CNTN4: variants seen among roughly 807,000 people sequenced by gnomAD.
CNTN4 encodes the protein contactin-4.
In CNTN4, 77 loss-of-function variants were observed where a neutral mutation model predicts 122.5. The observed-to-expected ratio is 0.63, with a 90% CI of 0.52 to 0.76. CNTN4 has a LOEUF of 0.76. Among genes scored for constraint, CNTN4 ranks in the 30% least tolerant of loss-of-function variants. The pLI, the probability that CNTN4 is intolerant of heterozygous loss-of-function variation, is 0.00. For missense variants in CNTN4, 1,256 were observed against 1,259.1 expected, an observed-to-expected ratio of 1.00 and a Z score of 0.04; for synonymous variants, 512 against 447.0, an observed-to-expected ratio of 1.15 and a Z score of -1.83.
chr3:2,976,623 T>G (rs17023971), intron 13 of CNTN4, among the ~76,000 whole-genome samples: 13,499 of 152,244 alleles, frequency 0.089, 708 homozygotes, highest in Non-Finnish European at 0.12. Flanking sequence ...TACCTTTTTT[T>G]CCTTAAGATG....
At chr3:2,548,776 AT>A (rs2078355515) in intron 3 of CNTN4, among the ~76,000 whole-genome samples, 1 of 152,088 alleles carries the variant, frequency 6.6e-6, no homozygotes, top group East Asian at 1.9e-4. Context: ...CAGTATGGCC[AT>A]TTTCATGATA....
At position 2,164,612 on chromosome 3, in the gene CNTN4, A is replaced by G. The variant is rs534183994; in HGVS notation, c.-145+63973A>G. ...GAATTCCAAGGTAAAGAGAAAATGTATACAAAAGTTGACACAGAAAAACAA... is the reference window on the plus strand; with the variant it reads ...GAATTCCAAGGTAAAGAGAAAATGTGTACAAAAGTTGACACAGAAAAACAA... On this transcript the variant is annotated intron_variant, in intron 2 of 24. Transcript: ENST00000418658. Among the ~76,000 whole-genome samples, 7 of 152,358 alleles carry G rather than the reference A, an allele frequency of 4.6e-5. No individual in the cohort carries two copies. In the South Asian group the frequency reaches 1.4e-3, roughly 32 times the overall value.
intron 2 of CNTN4, among the ~76,000 whole-genome samples, chr3:2,297,834 A>G (rs951011637): frequency 2.0e-5 from 3 of 152,138 alleles, no homozygotes; most frequent in African/African-American, 7.2e-5. Context: ...GGGCTCAAGC[A>G]GTCCTCCCAT....
chr3:2,384,799 C>A (rs1305686627), intron 3 of CNTN4, among the ~76,000 whole-genome samples: 2 of 151,714 alleles, frequency 1.3e-5, no homozygotes, highest in African/African-American at 4.8e-5. Context: ...TTCATGTTAC[C>A]TCTACATTAT....
intron 2 of CNTN4, among the ~76,000 whole-genome samples, chr3:2,168,696 T>C (rs561312825): frequency 6.6e-6 from 1 of 152,180 alleles, no homozygotes; most frequent in East Asian, 1.9e-4. Context: ...CTTTGTTGTT[T>C]CTGATTCAAA....
chr3:2,344,382 C>T (rs2044324395), intron 3 of CNTN4, among the ~76,000 whole-genome samples: 1 of 151,600 alleles, frequency 6.6e-6, no homozygotes, highest in South Asian at 2.1e-4. Context: ...TGGGTTCAAG[C>T]AGTTCTCCTG....
intron 4 of CNTN4, among the ~76,000 whole-genome samples, chr3:2,696,439 T>C (rs2149227954): frequency 6.6e-6 from 1 of 152,302 alleles, no homozygotes; most frequent in Middle Eastern, 3.4e-3. Flanking sequence ...CAAAGAAAGT[T>C]TGCTGCTTTT....
chr3:2,236,452 C>A (rs1247410441), intron 2 of CNTN4, among the ~76,000 whole-genome samples: 1 of 152,184 alleles, frequency 6.6e-6, no homozygotes, highest in Non-Finnish European at 1.5e-5. Flanking sequence ...TAAAGTGAAA[C>A]TGACTTTATT....
chr3:2,888,094 T>G (rs990698898), intron 10 of CNTN4, among the ~76,000 whole-genome samples: 2 of 152,240 alleles, frequency 1.3e-5, no homozygotes, highest in Non-Finnish European at 2.9e-5. Context: ...TGTTCTTATT[T>G]CTTGCAGTAA....
intron 3 of CNTN4, among the ~76,000 whole-genome samples, chr3:2,492,076 A>G (rs1441135735): frequency 1.3e-5 from 2 of 152,132 alleles, no homozygotes; most frequent in East Asian, 1.9e-4. Context: ...ACCTTTCTGC[A>G]TTTATTCAAT....
At chr3:2,684,019 C>A (rs1242922013) in intron 4 of CNTN4, among the ~76,000 whole-genome samples, 2 of 152,142 alleles carry the variant, frequency 1.3e-5, no homozygotes, top group Admixed American at 1.3e-4. Flanking sequence ...ACCTTACAGG[C>A]AGGGTTTAAT....
At chr3:2,740,215 T>C (rs2089381460) in intron 5 of CNTN4, among the ~76,000 whole-genome samples, 1 of 152,046 alleles carries the variant, frequency 6.6e-6, no homozygotes, top group African/African-American at 2.4e-5. Flanking sequence ...TAAAAATTAG[T>C]TGGCCATGGG....
intron 8 of CNTN4, among the ~76,000 whole-genome samples, chr3:2,877,656 C>CT (rs373653285): frequency 4.6e-5 from 7 of 151,682 alleles, no homozygotes; most frequent in Non-Finnish European, 8.8e-5. Context: ...ATCTTCCCAC[C>CT]TTTTTTAATA....
intron 8 of CNTN4, among the ~76,000 whole-genome samples, chr3:2,877,458 A>G (rs2093857789): frequency 6.6e-6 from 1 of 152,242 alleles, no homozygotes; most frequent in African/African-American, 2.4e-5. Context: ...TTTTTACTTT[A>G]TGCATAAAAT....
At chr3:2,232,008 C>A (rs1412582397) in intron 2 of CNTN4, among the ~76,000 whole-genome samples, 1 of 152,020 alleles carries the variant, frequency 6.6e-6, no homozygotes, top group Non-Finnish European at 1.5e-5. Context: ...TACCAGAGAG[C>A]ATTTAAATAA....
intron 14 of CNTN4, among the ~76,000 whole-genome samples, chr3:2,998,740 T>G (rs17024492): frequency 0.18 from 27,667 of 151,998 alleles, 2,760 homozygotes; most frequent in African/African-American, 0.22. Flanking sequence ...GAAAATACAG[T>G]GGAAAAGTGA....
chr3:2,222,350 T>C (rs1041903601), intron 2 of CNTN4, among the ~76,000 whole-genome samples: 12 of 152,014 alleles, frequency 7.9e-5, no homozygotes, highest in Non-Finnish European at 1.6e-4. Context: ...GGCAAATCCA[T>C]AGAGACAGAA....
At chr3:2,803,539 A>G (rs1269533136) in intron 6 of CNTN4, among the ~76,000 whole-genome samples, 2 of 151,410 alleles carry the variant, frequency 1.3e-5, no homozygotes, top group Non-Finnish European at 2.9e-5. Context: ...TATATTAACT[A>G]TATTAACTGT....
chr3:3,026,770 G>A (rs943509830), intron 15 of CNTN4, among the ~76,000 whole-genome samples: 3 of 152,100 alleles, frequency 2.0e-5, no homozygotes, highest in Non-Finnish European at 4.4e-5. Context: ...AAAGTCTGAT[G>A]GGGTTATTTA....
Sources: allele counts gnomAD v4.1 joint callset (sites outside exome capture counted in the v4.1 genomes callset), GRCh38; gene constraint gnomAD v4.1.1; transcripts MANE v1.5; gene names NCBI Gene and HGNC (gene_info 2026-07-23, HGNC 2026-07-21).